The following MYH7 variants were observed in gnomAD, a reference collection of about 807,000 sequenced individuals.
MYH7 encodes myosin heavy chain 7, also known as myosin-7.
A neutral mutation model predicts 225.4 loss-of-function variants in MYH7; 129 were observed. That is an observed-to-expected ratio of 0.57 (90% CI 0.50 to 0.66). The LOEUF (loss-of-function observed/expected upper bound fraction) is 0.66, where lower values mean the gene tolerates loss of function less well. MYH7 is among the 30% of genes least tolerant of loss of function. The pLI is 0.00. For synonymous variants in MYH7, 971 were observed against 1,007.6 expected (o/e 0.96, Z 0.69); for missense variants, 1,649 against 2,517.0 (o/e 0.66, Z 7.38).
In MYH7 at chr14:23,433,456, G is replaced by T. The variant is rs1893028120; in HGVS notation, c.201+76C>A. The T allele has an allele frequency of 2.0e-6, 3 of 1,532,420 alleles. No individual in the cohort carries two copies. The highest frequency in any genetic ancestry group is 1.8e-6 in the Non-Finnish European group (2 of 1,112,952). The allele number at this position is 1,532,420 out of a possible 1,614,324, so 94.9% of individuals were successfully genotyped here. On this transcript the variant is annotated intron_variant, in intron 3 of 39. Coordinates refer to ENST00000355349, the MANE Select transcript of MYH7 (RefSeq NM_000257.4). The surrounding 1 kb of genome is among the most constrained non-coding windows in gnomAD (Gnocchi z 4.1). ...ATCCTCAGGTCTGCATGGGCATGGGGCATGGGTGTACCCCTCTCTGTCCAC... is the reference window on the plus strand; with the variant it reads ...ATCCTCAGGTCTGCATGGGCATGGGTCATGGGTGTACCCCTCTCTGTCCAC...
chr14:23,431,094 G>A (rs779896963), intron 9 of MYH7, 95 bp from the exon 10 acceptor site: 1 of 918,000 alleles, frequency 1.1e-6, no homozygotes, highest in Non-Finnish European at 1.8e-6. Flanking sequence ...AAGGCAGAGG[G>A]AAGGGAAGAG....
intron 30 of MYH7, 90 bp from the exon 31 acceptor site, chr14:23,417,776 C>T (rs1892287296): frequency 6.6e-7 from 1 of 1,511,162 alleles, no homozygotes; most frequent in Non-Finnish European, 9.0e-7. Context: ...AAAGACAATC[C>T]TTGAAACCTC....
Position 23,425,180 on chromosome 14 carries a change from G to A in MYH7, c.2423+102C>T. 1.9e-6 allele frequency: 3 copies of A among 1,605,636 alleles called. No individual in the cohort carries two copies. In the South Asian group the frequency reaches 3.3e-5, roughly 18 times the overall value. On this transcript the variant is annotated intron_variant, in intron 21 of 39. Transcript: ENST00000355349. This position sits in a 1 kb window ranked among gnomAD's most constrained non-coding sequence, Gnocchi z 4.6. ...TGTGTTCATATGAGCCCCTCCTGCA[G>A]GTCTCTGTGTTTGAAGATCTGCTGA...
In MYH7 at chr14:23,429,878, C is replaced by G; in HGVS notation, c.1035G>C (p.Glu345Asp). The G allele has an allele frequency of 6.2e-7, 1 of 1,614,056 alleles. No homozygotes were observed. Among genetic ancestry groups the G allele is most frequent in the Non-Finnish European group, 8.5e-7 (1 of 1,180,010 alleles). The change falls in exon 12 of 40, where the codon GAG becomes GAC. Residue 345 changes from glutamate (E) to aspartate (D), a missense_variant. Around this residue, in one of 12 missense-constraint regions of MYH7, gnomAD observed 131 missense variants for 231.3 expected, o/e 0.57. Transcript: ENST00000355349. ...CTGTCAGCTTATACATGGAGTTTTT[C>G]TCCTCTGAAGTGAAGCCCAGCACAT... is the stretch of plus-strand genomic sequence containing the variant. Reference protein sequence around the residue: ...AFDVLGFTSEEKNSMYKLTGA... With the variant: ...AFDVLGFTSEDKNSMYKLTGA...
At chr14:23,427,338 T>C in intron 16 of MYH7, 31 bp from the exon 17 acceptor site, 1 of 1,612,516 alleles carries the variant, frequency 6.2e-7, no homozygotes, top group Non-Finnish European at 8.5e-7. Context: ...AAAAGAAGCA[T>C]CAGTGTGGGG....
chr14:23,433,000 AACAGAAG>A, intron 4 of MYH7, 77 bp downstream of exon 4: 1 of 1,596,660 alleles, frequency 6.3e-7, no homozygotes, highest in African/African-American at 1.3e-5. Flanking sequence ...CCTAGACACA[AACAGAAG>A]ACACTCTTGG....
In MYH7 at chr14:23,415,168, G is replaced by A. The variant is rs748598020; in HGVS notation, c.5386C>T (p.Arg1796Trp). The change falls in exon 37 of 40, where the codon CGG (arginine) becomes TGG (tryptophan). Residue 1796 changes from arginine to tryptophan, a missense_variant. Transcript: ENST00000355349. This position sits in a 1 kb window ranked among gnomAD's most constrained non-coding sequence, Gnocchi z 6.3. Reference sequence around the variant, plus strand: ...GCGATCTGCTCGGCTTCGTCCAGCCGGTGCTGCAGGTCCTTAATGGTCTGT... The same window carrying A: ...GCGATCTGCTCGGCTTCGTCCAGCCAGTGCTGCAGGTCCTTAATGGTCTGT... Reference protein sequence around the residue: ...MEQTIKDLQHRLDEAEQIALK... With the variant: ...MEQTIKDLQHWLDEAEQIALK... 5.0e-6 allele frequency: 8 copies of A among 1,614,098 alleles called. No individual in the cohort carries two copies. In the African/African-American group the frequency reaches 5.3e-5, roughly 11 times the overall value.
At position 23,425,546 on chromosome 14, in the gene MYH7, T is replaced by G. The variant is rs1892660209; in HGVS notation, c.2287-128A>C. 2 of 1,578,102 alleles carry G rather than the reference T, an allele frequency of 1.3e-6. No individual in the cohort carries two copies. Among genetic ancestry groups the G allele is most frequent in the Non-Finnish European group, 1.7e-6 (2 of 1,157,496 alleles). On this transcript the variant is annotated intron_variant, in intron 20 of 39. Transcript: ENST00000355349. The surrounding 1 kb of genome is among the most constrained non-coding windows in gnomAD (Gnocchi z 4.6). ...GGAGGAGGTCAATGGCAGCTGGAGC[T>G]GGGATGAGGGGAGTGGTGCTAGATG...
chr14:23,427,001 G>T, intron 17 of MYH7, 137 bp from the exon 18 acceptor site: 1 of 890,496 alleles, frequency 1.1e-6, no homozygotes, highest in Non-Finnish European at 1.8e-6. Context: ...CCTGGGGGCA[G>T]ACAGGGATAA....
chr14:23,427,407 C>A, intron 16 of MYH7, 100 bp from the exon 17 acceptor site: 1 of 1,521,070 alleles, frequency 6.6e-7, no homozygotes, highest in Non-Finnish European at 9.0e-7. Flanking sequence ...GCATTTGGCC[C>A]CTGGGTGAGG....
At chr14:23,413,582 AAAAGTT>A (rs1408757523) in intron 39 of MYH7, among the ~76,000 whole-genome samples, 171 bp downstream of exon 39, 2 of 152,028 alleles carry the variant, frequency 1.3e-5, no homozygotes, top group African/African-American at 2.4e-5. Flanking sequence ...AAAAAAAAAA[AAAAGTT>A]AGAGCTGGAA....
At chr14:23,419,005 C>T (rs1171871942) in intron 29 of MYH7, among the ~76,000 whole-genome samples, 172 bp downstream of exon 29, 1 of 152,212 alleles carries the variant, frequency 6.6e-6, no homozygotes, top group African/African-American at 2.4e-5. Flanking sequence ...CAGAGGGCCT[C>T]AGCCTGGGGA....
Position 23,425,208 on chromosome 14 carries a change from T to C in MYH7, c.2423+74A>G, listed in dbSNP as rs113740659. On this transcript the variant is annotated intron_variant, in intron 21 of 39. Transcript: ENST00000355349. The surrounding 1 kb of genome is among the most constrained non-coding windows in gnomAD (Gnocchi z 4.6). ...CTCTGTGTTTGAAGATCTGCTGAGC[T>C]TTTTTTCCTGACACTGCCCCTGAAC... 55 of 1,611,572 alleles carry C rather than the reference T, an allele frequency of 3.4e-5. No homozygotes were observed. In the African/African-American group the frequency reaches 4.9e-4, roughly 14 times the overall value.
rs563273504 is a variant in MYH7, at chr14:23,417,985, C to A, written c.4169+225G>T. The A allele has an allele frequency of 5.5e-5, 50 of 912,740 alleles. 1 individual carries two copies. In the East Asian group the frequency reaches 1.2e-3, roughly 21 times the overall value. 56.5% of individuals were successfully genotyped at this position (912,740 alleles called of 1,614,324 possible). On this transcript the variant is annotated intron_variant, in intron 30 of 39. Transcript: ENST00000355349. The stretch of plus-strand genomic sequence containing the variant: ...CAGTGCCCTGCCCCAGACGGAAGCA[C>A]TCTGCCCTCAGACAAACCTTTTGTT...
intron 15 of MYH7, among the ~76,000 whole-genome samples, chr14:23,428,294 C>T (rs1892778003): frequency 6.6e-6 from 1 of 152,170 alleles, no homozygotes; most frequent in Non-Finnish European, 1.5e-5. Flanking sequence ...TCCATGTGTC[C>T]ACTTTCAAGC....
intron 6 of MYH7, 102 bp downstream of exon 6, chr14:23,432,377 G>T: frequency 6.9e-7 from 1 of 1,457,242 alleles, no homozygotes; most frequent in Non-Finnish European, 9.6e-7. Context: ...AGGTTGGGGG[G>T]AAAGAGGCTG....
At chr14:23,431,083 A>G (rs1333238619) in intron 9 of MYH7, 84 bp from the exon 10 acceptor site, 3 of 1,019,334 alleles carry the variant, frequency 2.9e-6, no homozygotes, top group Non-Finnish European at 3.1e-6. Context: ...GTAGCAAGCA[A>G]AAGGCAGAGG....
intron 11 of MYH7, 103 bp from the exon 12 acceptor site, chr14:23,430,016 G>C (rs1892863661): frequency 1.4e-6 from 2 of 1,413,500 alleles, no homozygotes; most frequent in Middle Eastern, 1.9e-4. Flanking sequence ...TAATCCCTGT[G>C]GGTTCTGAGA....
In MYH7 at chr14:23,429,895, C is replaced by T. The variant is rs776227540; in HGVS notation, c.1018G>A (p.Gly340Ser). Residue 340 changes from glycine to serine, a missense_variant, in exon 12 of 40, where the codon GGC (glycine) becomes AGC (serine). Gly to Ser is a moderately conservative substitution (Grantham distance 56, BLOSUM62 0). Around this residue, in one of 12 missense-constraint regions of MYH7, gnomAD observed 131 missense variants for 231.3 expected, o/e 0.57. Coordinates refer to ENST00000355349, the MANE Select transcript of MYH7 (RefSeq NM_000257.4). Reference protein sequence around the residue: ...MATDNAFDVLGFTSEEKNSMY... With the variant: ...MATDNAFDVLSFTSEEKNSMY... ...GAGTTTTTCTCCTCTGAAGTGAAGCCCAGCACATCAAAAGCGTTCTGTAGG... is the reference window on the plus strand; with the variant it reads ...GAGTTTTTCTCCTCTGAAGTGAAGCTCAGCACATCAAAAGCGTTCTGTAGG... The T allele has an allele frequency of 6.2e-7, 1 of 1,613,982 alleles. No individual in the cohort carries two copies. The highest frequency in any genetic ancestry group is 8.5e-7 in the Non-Finnish European group (1 of 1,180,010).
Sources: allele counts gnomAD v4.1 joint callset (sites outside exome capture counted in the v4.1 genomes callset), GRCh38; gene constraint gnomAD v4.1.1; regional missense constraint gnomAD v4.1.1; non-coding constraint Gnocchi (gnomAD v3.1); transcripts MANE v1.5; gene names NCBI Gene and HGNC (gene_info 2026-07-23, HGNC 2026-07-21).